PACRG: variants seen among roughly 807,000 people sequenced by gnomAD.
The protein encoded by PACRG is parkin coregulated gene protein.
A neutral mutation model predicts 29.7 loss-of-function variants in PACRG; 29 were observed. The observed-to-expected ratio is 0.98, with a 90% CI of 0.73 to 1.33. The LOEUF (loss-of-function observed/expected upper bound fraction) is 1.33, where lower values mean the gene tolerates loss of function less well. Among genes scored for constraint, PACRG ranks in the 40% most tolerant of loss-of-function variants. The pLI is 0.00. For missense variants in PACRG, 279 were observed against 316.2 expected (o/e 0.88, Z 0.89); for synonymous variants, 116 against 118.7 (o/e 0.98, Z 0.15).
chr6:162,922,381 A>G (rs1797127167), intron 2 of PACRG, among the ~76,000 whole-genome samples: 1 of 151,294 alleles, frequency 6.6e-6, no homozygotes, highest in Non-Finnish European at 1.5e-5. Flanking sequence ...TGATCAAACC[A>G]GAGTAATTAG....
chr6:163,013,912 A>C (rs773932416), intron 2 of PACRG, among the ~76,000 whole-genome samples: 4 of 152,054 alleles, frequency 2.6e-5, no homozygotes, highest in South Asian at 2.1e-4. Context: ...TTAATTTGAA[A>C]ATAACATGAT....
chr6:163,171,644 A>G (rs967913071), intron 4 of PACRG, among the ~76,000 whole-genome samples: 8 of 152,234 alleles, frequency 5.3e-5, no homozygotes, highest in Admixed American at 5.2e-4. Flanking sequence ...TTTTCCCCCC[A>G]GTTTCTCATG....
chr6:163,088,231 G>C (rs371412137), intron 3 of PACRG, among the ~76,000 whole-genome samples: 1 of 152,170 alleles, frequency 6.6e-6, no homozygotes, highest in African/African-American at 2.4e-5. Flanking sequence ...TCCCTTCACA[G>C]TGGCATCTGC....
At chr6:163,306,240 T>C (rs1480868007) in intron 4 of PACRG, among the ~76,000 whole-genome samples, 2 of 152,232 alleles carry the variant, frequency 1.3e-5, no homozygotes, top group Non-Finnish European at 2.9e-5. Context: ...GAAATAGATT[T>C]AACACAGACA....
chr6:163,072,039 C>T (rs1329292399), intron 3 of PACRG, among the ~76,000 whole-genome samples: 4 of 76,952 alleles, frequency 5.2e-5, no homozygotes, highest in Middle Eastern at 0.011. Flanking sequence ...TCAAACTATT[C>T]CCAAAAAAAA....
intron 2 of PACRG, among the ~76,000 whole-genome samples, chr6:162,941,477 A>G (rs1486044450): frequency 2.0e-5 from 3 of 152,174 alleles, no homozygotes; most frequent in Non-Finnish European, 4.4e-5. Context: ...TAAGCACATC[A>G]CAGTGAAAGG....
At chr6:162,827,789 C>A (rs899738529) in intron 2 of PACRG, among the ~76,000 whole-genome samples, 3 of 152,036 alleles carry the variant, frequency 2.0e-5, no homozygotes, top group African/African-American at 7.2e-5. Context: ...TCCATATCCA[C>A]CTCCTCTGCT....
intron 2 of PACRG, among the ~76,000 whole-genome samples, chr6:162,966,280 G>A (rs1394042044): frequency 1.3e-5 from 2 of 152,142 alleles, no homozygotes; most frequent in Admixed American, 1.3e-4. Context: ...CATGGCACTT[G>A]GTGCCTTCCG....
intron 2 of PACRG, among the ~76,000 whole-genome samples, chr6:162,891,715 T>C (rs1794772677): frequency 6.6e-6 from 1 of 152,056 alleles, no homozygotes; most frequent in Non-Finnish European, 1.5e-5. Flanking sequence ...AGGCACCTCT[T>C]TGGGGGGCTG....
chr6:163,050,496 A>G (rs1015698560), intron 2 of PACRG, among the ~76,000 whole-genome samples: 1 of 152,134 alleles, frequency 6.6e-6, no homozygotes, highest in African/African-American at 2.4e-5. Context: ...TCAACAATTT[A>G]TCTACTATTA....
At chr6:163,246,865 A>T (rs566280545) in intron 4 of PACRG, among the ~76,000 whole-genome samples, 2 of 152,374 alleles carry the variant, frequency 1.3e-5, no homozygotes, top group African/African-American at 2.4e-5. Context: ...CAACATTATC[A>T]TGAGAAAGTA....
intron 2 of PACRG, chr6:163,051,532 G>A (rs1810011204): frequency 6.7e-6 from 1 of 148,962 alleles, no homozygotes; most frequent in Non-Finnish European, 1.5e-5. Flanking sequence ...GAGGAGGTTT[G>A]TCCCACCGAG....
At chr6:163,058,050 A>G (rs1810743591) in intron 2 of PACRG, among the ~76,000 whole-genome samples, 1 of 152,234 alleles carries the variant, frequency 6.6e-6, no homozygotes, top group Non-Finnish European at 1.5e-5. Flanking sequence ...ATATATTGCT[A>G]TCAGATAAAA....
At chr6:163,270,735 A>G (rs974398658) in intron 4 of PACRG, among the ~76,000 whole-genome samples, 3 of 152,152 alleles carry the variant, frequency 2.0e-5, no homozygotes, top group South Asian at 2.1e-4. Context: ...AAAGAAATCC[A>G]AAGGAAAAGA....
chr6:163,062,180 T>C lies in PACRG; in HGVS notation c.322T>C (p.Tyr108His), dbSNP rs903687958. The C allele has an allele frequency of 1.9e-6, 3 of 1,614,156 alleles. No homozygotes were observed. The highest frequency in any genetic ancestry group is 2.5e-6 in the Non-Finnish European group (3 of 1,180,028). The change falls in exon 3 of 5, where the codon TAT (tyrosine) becomes CAT (histidine). Residue 108 changes from tyrosine (Y) to histidine (H), a missense_variant. Tyr to His is a moderately conservative substitution (Grantham distance 83). Coordinates refer to ENST00000366888, the MANE Select transcript of PACRG (RefSeq NM_001080379.2). ...VEIEKLDYHHYLPLFFDGLCE... is the reference protein window; with the variant it reads ...VEIEKLDYHHHLPLFFDGLCE... ...AATTGAGAAGCTGGATTACCATCATTATCTGCCTCTGTTTTTTGATGGGCT... is the reference window on the plus strand; with the variant it reads ...AATTGAGAAGCTGGATTACCATCATCATCTGCCTCTGTTTTTTGATGGGCT...
At chr6:163,082,324 A>G (rs1306617624) in intron 3 of PACRG, among the ~76,000 whole-genome samples, 6 of 152,184 alleles carry the variant, frequency 3.9e-5, no homozygotes, top group Admixed American at 3.9e-4. Flanking sequence ...CTGCCAAATT[A>G]TTCTCTAATT....
At chr6:163,209,668 T>G (rs557564214) in intron 4 of PACRG, among the ~76,000 whole-genome samples, 1 of 152,284 alleles carries the variant, frequency 6.6e-6, no homozygotes, top group African/African-American at 2.4e-5. Context: ...ATGCATGAAA[T>G]AAGCATACAT....
intron 4 of PACRG, among the ~76,000 whole-genome samples, chr6:163,265,636 C>T (rs894064500): frequency 3.3e-5 from 5 of 152,074 alleles, no homozygotes; most frequent in African/African-American, 1.2e-4. Context: ...AACCAATTGT[C>T]CCACCTATTA....
chr6:163,194,453 C>T (rs897786940), intron 4 of PACRG, among the ~76,000 whole-genome samples: 2 of 151,976 alleles, frequency 1.3e-5, no homozygotes, highest in Admixed American at 1.3e-4. Flanking sequence ...CATCTGTCTG[C>T]CTTTCCCAAG....
Sources: allele counts gnomAD v4.1 joint callset (sites outside exome capture counted in the v4.1 genomes callset), GRCh38; gene constraint gnomAD v4.1.1; transcripts MANE v1.5; gene names NCBI Gene and HGNC (gene_info 2026-07-23, HGNC 2026-07-21).